The following LPP variants were observed in gnomAD, a reference collection of about 807,000 sequenced individuals.
LPP encodes the protein LIM domain containing preferred translocation partner in lipoma.
Under a neutral mutation model 60.4 loss-of-function variants are expected in LPP, and 38 were observed. That is an observed-to-expected ratio of 0.63 (90% CI 0.49 to 0.83). LPP has a LOEUF of 0.83. Ranked by LOEUF, LPP falls within the 40% of genes least tolerant of loss-of-function variation. The pLI, the probability that LPP is intolerant of heterozygous loss-of-function variation, is 0.00. For missense variants in LPP, 902 were observed against 783.6 expected (o/e 1.15, Z -1.80); for synonymous variants, 328 against 290.8 (o/e 1.13, Z -1.30).
chr3:188,654,962 G>C (rs1175864275), intron 7 of LPP, among the ~76,000 whole-genome samples: 1 of 152,146 alleles, frequency 6.6e-6, no homozygotes. Context: ...GCATCCTTTA[G>C]AAAGGAAAAC....
At chr3:188,292,532 T>G (rs1746356600) in intron 2 of LPP, among the ~76,000 whole-genome samples, 2 of 152,242 alleles carry the variant, frequency 1.3e-5, no homozygotes, top group Non-Finnish European at 2.9e-5. Context: ...AGTTTCCTGA[T>G]GACTTAAGGG....
intron 2 of LPP, among the ~76,000 whole-genome samples, chr3:188,332,648 A>G (rs1760432492): frequency 6.6e-6 from 1 of 152,206 alleles, no homozygotes; most frequent in Non-Finnish European, 1.5e-5. Flanking sequence ...ATGATCAACT[A>G]AAAGTGATAA....
At chr3:188,241,109 T>C (rs538416627) in intron 2 of LPP, among the ~76,000 whole-genome samples, 11 of 152,358 alleles carry the variant, frequency 7.2e-5, no homozygotes, top group Non-Finnish European at 1.5e-4. Flanking sequence ...AGAGGGTTAA[T>C]GTTCCACGTA....
intron 7 of LPP, among the ~76,000 whole-genome samples, chr3:188,695,326 A>G (rs1863013413): frequency 6.6e-6 from 1 of 152,222 alleles, no homozygotes; most frequent in South Asian, 2.1e-4. Flanking sequence ...GATTAGAAAT[A>G]TTAAATGTTG....
intron 9 of LPP, among the ~76,000 whole-genome samples, chr3:188,857,376 C>G (rs146318092): frequency 2.8e-4 from 42 of 152,292 alleles, no homozygotes; most frequent in African/African-American, 3.8e-4. Context: ...GAAGAATGAG[C>G]CTTTCTCTTT....
intron 9 of LPP, among the ~76,000 whole-genome samples, chr3:188,768,732 T>A (rs1734924800): frequency 6.6e-6 from 1 of 152,166 alleles, no homozygotes; most frequent in Non-Finnish European, 1.5e-5. Context: ...AAATAAAACA[T>A]TAAAAATTCA....
intron 7 of LPP, among the ~76,000 whole-genome samples, chr3:188,666,692 G>A (rs1855870414): frequency 6.6e-6 from 1 of 152,230 alleles, no homozygotes; most frequent in Non-Finnish European, 1.5e-5. Flanking sequence ...CTTGTTGAAT[G>A]CTTACTCGGT....
chr3:188,420,880 T>G (rs763440179), intron 4 of LPP, among the ~76,000 whole-genome samples: 1 of 152,206 alleles, frequency 6.6e-6, no homozygotes, highest in Non-Finnish European at 1.5e-5. Context: ...GATACATGGT[T>G]TTTAAACACA....
chr3:188,877,653 C>G lies in LPP; in HGVS notation c.*3174C>G, dbSNP rs940387244. On this transcript the variant is annotated 3_prime_UTR_variant, in exon 12 of 12. Coordinates refer to ENST00000617246, the MANE Select transcript of LPP (RefSeq NM_001375462.1). The stretch of plus-strand genomic sequence containing the variant: ...CTGAGGCCAGGAGTTTGACACCAGC[C>G]TGGGCAACATAGTGAGACCTTGTCT... The G allele has an allele frequency of 1.1e-5, 2 of 186,370 alleles. No individual in the cohort carries two copies. Among genetic ancestry groups the G allele is most frequent in the African/African-American group, 4.7e-5 (2 of 42,670 alleles). 11.5% of individuals were successfully genotyped at this position (186,370 alleles called of 1,614,324 possible). A position where few individuals can be genotyped will look rare whatever the true frequency, so the allele number is the denominator to read the frequency against.
At chr3:188,809,958 T>G (rs1008497891) in intron 9 of LPP, among the ~76,000 whole-genome samples, 9 of 152,128 alleles carry the variant, frequency 5.9e-5, no homozygotes, top group African/African-American at 2.2e-4. Flanking sequence ...CATTGCTTGT[T>G]TTTGTCAGGT....
chr3:188,449,835 C>T lies in LPP; in HGVS notation c.194-34757C>T, dbSNP rs376633271. On this transcript the variant is annotated intron_variant, in intron 4 of 11. Coordinates refer to ENST00000617246, the MANE Select transcript of LPP (RefSeq NM_001375462.1). The stretch of plus-strand genomic sequence containing the variant: ...TTATTATTATTTTGAGACAGAGTCT[C>T]GTTCTGTCACCCAGGCTGGAGTGCA... Among the ~76,000 whole-genome samples, 100 of 152,198 alleles carry T rather than the reference C, an allele frequency of 6.6e-4. 2 individuals are homozygous for T. The South Asian group carries it at 0.018, about 28-fold the overall frequency.
rs1224902848 is a variant in LPP, at chr3:188,877,193, C to G, written c.*2714C>G. On this transcript the variant is annotated 3_prime_UTR_variant, in exon 12 of 12. Transcript: ENST00000617246. Reference sequence around the variant, plus strand: ...ATTTGATTTAAACAATGCCAAGTCACTCTTTTTTAGTTGCATGAAATTTTG... The same window carrying G: ...ATTTGATTTAAACAATGCCAAGTCAGTCTTTTTTAGTTGCATGAAATTTTG... 5.7e-6 allele frequency: 1 copy of G among 175,056 alleles called. No individual in the cohort carries two copies. Among genetic ancestry groups the G allele is most frequent in the Non-Finnish European group, 1.2e-5 (1 of 81,244 alleles). 10.8% of individuals were successfully genotyped at this position (175,056 alleles called of 1,614,324 possible).
chr3:188,861,234 A>T (rs1490129281), intron 9 of LPP, among the ~76,000 whole-genome samples: 1 of 152,176 alleles, frequency 6.6e-6, no homozygotes, highest in Non-Finnish European at 1.5e-5. Context: ...ACTTTTCAAG[A>T]CTGAATGTCT....
chr3:188,240,936 T>C (rs1328539224), intron 2 of LPP, among the ~76,000 whole-genome samples: 1 of 152,302 alleles, frequency 6.6e-6, no homozygotes, highest in Non-Finnish European at 1.5e-5. Flanking sequence ...TTGTGGATCT[T>C]TTATATGTCC....
intron 6 of LPP, among the ~76,000 whole-genome samples, chr3:188,594,427 C>T (rs562577984): frequency 1.7e-4 from 26 of 152,226 alleles, no homozygotes; most frequent in African/African-American, 5.5e-4. Flanking sequence ...TGCAGTGGAG[C>T]GCTGTGTTCC....
chr3:188,215,944 C>T (rs1713379489), intron 1 of LPP, among the ~76,000 whole-genome samples: 1 of 152,180 alleles, frequency 6.6e-6, no homozygotes. Context: ...CGCAGCTATG[C>T]TTCCTTTCTT....
chr3:188,157,208 C>T (rs1716768600), intron 1 of LPP, among the ~76,000 whole-genome samples: 1 of 152,184 alleles, frequency 6.6e-6, no homozygotes, highest in South Asian at 2.1e-4. Flanking sequence ...ATCAGATACT[C>T]CATTTGAATC....
In LPP at chr3:188,584,900, A is replaced by G. The variant is rs1297847400; in HGVS notation, c.430-24261A>G. 2.0e-5 allele frequency among the ~76,000 whole-genome samples: 3 copies of G among 152,286 alleles called. No homozygotes were observed. In the East Asian group the frequency reaches 5.8e-4, roughly 29 times the overall value. On this transcript the variant is annotated intron_variant, in intron 6 of 11. Transcript: ENST00000617246. ...AATTTATCCCTCCCTGAAAAATTCC[A>G]TTCATGTAACATTTTTATAACACTT...
Position 188,515,142 on chromosome 3 carries a change from G to A in LPP, c.307-9523G>A, listed in dbSNP as rs115145964. The stretch of plus-strand genomic sequence containing the variant: ...AAATCATGTCAGAATGTGATCTCCA[G>A]TGTTTGAAGTGGGGCCTAATGGGAG... On this transcript the variant is annotated intron_variant, in intron 5 of 11. Coordinates refer to ENST00000617246, the MANE Select transcript of LPP (RefSeq NM_001375462.1). 7.7e-3 allele frequency among the ~76,000 whole-genome samples: 1,175 copies of A among 152,268 alleles called. 10 individuals carry two copies. Among genetic ancestry groups the A allele is most frequent in the African/African-American group, 0.027 (1,128 of 41,542 alleles).
Sources: allele counts gnomAD v4.1 joint callset (sites outside exome capture counted in the v4.1 genomes callset), GRCh38; gene constraint gnomAD v4.1.1; transcripts MANE v1.5; gene names NCBI Gene and HGNC (gene_info 2026-07-23, HGNC 2026-07-21).